PCDHA4: variants seen among roughly 807,000 people sequenced by gnomAD.
PCDHA4 encodes protocadherin alpha-4.
Under a neutral mutation model 61.4 loss-of-function variants are expected in PCDHA4, and 49 were observed. The observed-to-expected ratio is 0.80, with a 90% CI of 0.63 to 1.01. PCDHA4 has a LOEUF of 1.01. PCDHA4 is among the 50% of genes least tolerant of loss of function. PCDHA4 has a pLI of 0.00. For missense variants in PCDHA4, 1,254 were observed against 1,235.8 expected (o/e 1.01, Z -0.22); for synonymous variants, 590 against 550.3 (o/e 1.07, Z -1.01).
chr5:140,870,793 C>T, intron 1 of PCDHA4: 2 of 1,613,678 alleles, frequency 1.2e-6, no homozygotes, highest in Non-Finnish European at 1.7e-6. Context: ...CGCGCCGGCA[C>T]TGCTGGCGAC....
At chr5:140,821,258 G>T (rs1766929634) in intron 1 of PCDHA4, among the ~76,000 whole-genome samples, 1 of 152,038 alleles carries the variant, frequency 6.6e-6, no homozygotes, top group South Asian at 2.1e-4. Context: ...ACTCTTAAAA[G>T]TTATTTTTAT....
chr5:140,824,014 T>G, intron 1 of PCDHA4: 1 of 1,614,050 alleles, frequency 6.2e-7, no homozygotes, highest in Non-Finnish European at 8.5e-7. Context: ...GGTGGGGAGC[T>G]GGTCGTACTC....
intron 3 of PCDHA4, among the ~76,000 whole-genome samples, chr5:140,991,449 A>G (rs1405447405): frequency 6.6e-6 from 1 of 152,206 alleles, no homozygotes; most frequent in East Asian, 1.9e-4. Flanking sequence ...GCTTAAAACA[A>G]CACAATGTAT....
intron 1 of PCDHA4, among the ~76,000 whole-genome samples, chr5:140,903,580 G>T (rs2070406453): frequency 6.6e-6 from 1 of 152,154 alleles, no homozygotes; most frequent in South Asian, 2.1e-4. Context: ...CTGTCTAGCT[G>T]GTGTTGGCCT....
intron 1 of PCDHA4, chr5:140,855,934 G>A (rs1581379026): frequency 1.5e-6 from 2 of 1,294,846 alleles, no homozygotes; most frequent in South Asian, 1.5e-5. Flanking sequence ...GCGTCATTCT[G>A]AGATCTCAGC....
chr5:140,882,771 T>C (rs148644909), intron 1 of PCDHA4: 19 of 1,614,110 alleles, frequency 1.2e-5, no homozygotes, highest in Non-Finnish European at 1.6e-5. Context: ...AACTCGGCAT[T>C]GACCTACCGA....
At chr5:141,006,363 C>A (rs2098270160) in intron 3 of PCDHA4, among the ~76,000 whole-genome samples, 1 of 152,080 alleles carries the variant, frequency 6.6e-6, no homozygotes, top group Non-Finnish European at 1.5e-5. Context: ...AGGCGCCCAC[C>A]ACCACGCCCG....
At chr5:140,945,001 G>A (rs2093722890) in intron 1 of PCDHA4, among the ~76,000 whole-genome samples, 1 of 151,990 alleles carries the variant, frequency 6.6e-6, no homozygotes, top group African/African-American at 2.4e-5. Context: ...ACGGTTGTGG[G>A]TCATGAATTA....
intron 1 of PCDHA4, chr5:140,842,811 G>A: frequency 6.3e-7 from 1 of 1,594,024 alleles, no homozygotes; most frequent in Non-Finnish European, 8.6e-7. Context: ...CTTGTGGAGC[G>A]GCGGGTGGGC....
chr5:140,818,379 G>A (rs1554127469), intron 1 of PCDHA4, among the ~76,000 whole-genome samples: 1 of 152,034 alleles, frequency 6.6e-6, no homozygotes, highest in East Asian at 1.9e-4. Flanking sequence ...CTTGAATCGT[G>A]GCATTTTTCC....
chr5:140,848,134 AC>A (rs1781341160), intron 1 of PCDHA4: 1 of 192,738 alleles, frequency 5.2e-6, no homozygotes, highest in South Asian at 1.3e-4. Context: ...GTCATACAAA[AC>A]TTTTAGAGGC....
At chr5:140,961,252 C>T (rs1185090498) in intron 1 of PCDHA4, among the ~76,000 whole-genome samples, 1 of 152,158 alleles carries the variant, frequency 6.6e-6, no homozygotes, top group African/African-American at 2.4e-5. Context: ...TTATCCGAAG[C>T]TCCAGGAAGC....
chr5:140,939,246 C>A (rs536477969), intron 1 of PCDHA4, among the ~76,000 whole-genome samples: 1 of 152,112 alleles, frequency 6.6e-6, no homozygotes, highest in South Asian at 2.1e-4. Context: ...AGCAAGGTAG[C>A]TCTCTGGAAC....
At chr5:140,947,655 A>G (rs942849633) in intron 1 of PCDHA4, among the ~76,000 whole-genome samples, 3 of 151,542 alleles carry the variant, frequency 2.0e-5, no homozygotes, top group Non-Finnish European at 4.4e-5. Context: ...ATATACCTCC[A>G]TTTACTTGGG....
At chr5:140,967,591 G>A (rs1554229706) in intron 1 of PCDHA4, 1 of 1,614,154 alleles carries the variant, frequency 6.2e-7, no homozygotes, top group East Asian at 2.2e-5. Flanking sequence ...CAGGCACATT[G>A]GTGGTGAAGC....
chr5:140,908,050 G>A (rs1554193217), intron 1 of PCDHA4, among the ~76,000 whole-genome samples: 1 of 152,120 alleles, frequency 6.6e-6, no homozygotes, highest in African/African-American at 2.4e-5. Context: ...TGCACATCCG[G>A]CCATTTCTCC....
rs1768065709 is a variant in PCDHA4, at chr5:140,824,260, AATTC to A, written c.2385+14691_2385+14694del. 3.0e-6 allele frequency: 4 copies of A among 1,322,828 alleles called. No individual in the cohort carries two copies. The African/African-American group carries it at 4.4e-5, about 14-fold the overall frequency. The allele number at this position is 1,322,828 out of a possible 1,614,324, so 81.9% of individuals were successfully genotyped here. On this transcript the variant is annotated intron_variant, in intron 1 of 3. Coordinates refer to ENST00000530339, the MANE Select transcript of PCDHA4 (RefSeq NM_018907.4). The stretch of plus-strand genomic sequence containing the variant: ...TATTGTGGTACACAATTATTGCACT[AATTC>A]ATGTATTATATGCTTTTTATGAGGC...
intron 1 of PCDHA4, among the ~76,000 whole-genome samples, chr5:140,920,853 A>C (rs375783359): frequency 1.3e-5 from 2 of 152,062 alleles, no homozygotes; most frequent in African/African-American, 4.8e-5. Flanking sequence ...AAAAAAAAAA[A>C]AAAAACAAAC....
chr5:140,928,539 T>G, intron 1 of PCDHA4: 1 of 1,614,222 alleles, frequency 6.2e-7, no homozygotes. Context: ...TAGATAGGAA[T>G]GACAATTATC....
Sources: gnomAD v4.1 joint callset for allele counts (sites outside exome capture counted in the v4.1 genomes callset) on GRCh38, gnomAD v4.1.1 for gene constraint, MANE v1.5 for transcripts, NCBI Gene and HGNC (gene_info 2026-07-23, HGNC 2026-07-21) for gene names.